MBNL1: variants seen among roughly 807,000 people sequenced by gnomAD.
MBNL1 encodes the protein muscleblind-like protein 1.
MBNL1 carries 8 observed loss-of-function variants against 42.2 expected under a neutral mutation model. The observed-to-expected ratio is 0.19, with a 90% CI of 0.11 to 0.34. MBNL1 has a LOEUF of 0.34. MBNL1 is among the 10% of genes least tolerant of loss of function. The pLI, the probability that MBNL1 is intolerant of heterozygous loss-of-function variation, is 1.00. For synonymous variants in MBNL1, 169 were observed against 173.9 expected (o/e 0.97, Z 0.22); for missense variants, 309 against 495.3 (o/e 0.62, Z 3.57).
intron 2 of MBNL1, among the ~76,000 whole-genome samples, chr3:152,361,070 A>T (rs2095896614): frequency 6.6e-6 from 1 of 152,144 alleles, no homozygotes; most frequent in Admixed American, 6.6e-5. Context: ...TCAGATGAGG[A>T]ATAAAATATT....
At chr3:152,292,087 C>T (rs1404936981) in intron 1 of MBNL1, among the ~76,000 whole-genome samples, 1 of 152,118 alleles carries the variant, frequency 6.6e-6, no homozygotes, top group South Asian at 2.1e-4. Flanking sequence ...GGATGGTGGC[C>T]TGAAAATCTT....
At chr3:152,366,217 A>G (rs1005742186) in intron 2 of MBNL1, among the ~76,000 whole-genome samples, 3 of 152,146 alleles carry the variant, frequency 2.0e-5, no homozygotes, top group Non-Finnish European at 4.4e-5. Flanking sequence ...TTGTTTGAAC[A>G]TTGAGTAACA....
intron 2 of MBNL1, among the ~76,000 whole-genome samples, chr3:152,355,360 A>C (rs575361048): frequency 2.6e-5 from 4 of 152,242 alleles, no homozygotes; most frequent in Admixed American, 2.6e-4. Flanking sequence ...TGGCTTTACA[A>C]ATTTAAACCT....
At chr3:152,365,823 T>A (rs1382931569) in intron 2 of MBNL1, among the ~76,000 whole-genome samples, 17 of 152,238 alleles carry the variant, frequency 1.1e-4, no homozygotes, top group East Asian at 3.9e-4. Context: ...AGGGACCTTT[T>A]TTCTCGTCTA....
intron 2 of MBNL1, among the ~76,000 whole-genome samples, chr3:152,306,784 ATC>A (rs1577494514): frequency 2.0e-5 from 3 of 152,134 alleles, no homozygotes; most frequent in South Asian, 4.1e-4. Context: ...AATTAAGTAA[ATC>A]TCTCTGGAAA....
intron 2 of MBNL1, among the ~76,000 whole-genome samples, chr3:152,358,481 A>G (rs2095687829): frequency 6.6e-6 from 1 of 152,198 alleles, no homozygotes; most frequent in African/African-American, 2.4e-5. Context: ...TATTTGAAAA[A>G]TATGTATTTC....
At chr3:152,342,553 A>AACACAC (rs111644138) in intron 2 of MBNL1, among the ~76,000 whole-genome samples, 14,486 of 145,948 alleles carry the variant, frequency 0.099, 710 homozygotes, top group Middle Eastern at 0.12. Flanking sequence ...AACTAAACAA[A>AACACAC]ACACACACAC....
chr3:152,443,040 G>A (rs1187284191), intron 4 of MBNL1, among the ~76,000 whole-genome samples: 1 of 151,946 alleles, frequency 6.6e-6, no homozygotes, highest in Non-Finnish European at 1.5e-5. Flanking sequence ...TTTAACCTCA[G>A]AAAAGGTTGG....
At chr3:152,401,149 A>G (rs930251138) in intron 2 of MBNL1, among the ~76,000 whole-genome samples, 3 of 152,224 alleles carry the variant, frequency 2.0e-5, no homozygotes, top group African/African-American at 7.2e-5. Flanking sequence ...GGACACCCAG[A>G]AATGCCCTTC....
At chr3:152,387,421 A>G (rs1382102410) in intron 2 of MBNL1, among the ~76,000 whole-genome samples, 1 of 152,188 alleles carries the variant, frequency 6.6e-6, no homozygotes, top group African/African-American at 2.4e-5. Flanking sequence ...AAATATTAAA[A>G]TCAAATTTGT....
intron 2 of MBNL1, among the ~76,000 whole-genome samples, chr3:152,375,994 C>T (rs186323301): frequency 1.9e-4 from 29 of 152,222 alleles, no homozygotes; most frequent in African/African-American, 6.7e-4. Flanking sequence ...TTCCCTTTAG[C>T]CTTCAGAAAA....
At chr3:152,332,368 G>C (rs1413333759) in intron 2 of MBNL1, among the ~76,000 whole-genome samples, 1 of 152,144 alleles carries the variant, frequency 6.6e-6, no homozygotes, top group Non-Finnish European at 1.5e-5. Flanking sequence ...TAAATCTGTT[G>C]TTAGCCAAAG....
intron 2 of MBNL1, among the ~76,000 whole-genome samples, chr3:152,320,505 G>A (rs1367424406): frequency 1.3e-5 from 2 of 152,104 alleles, no homozygotes; most frequent in Admixed American, 6.6e-5. Context: ...AGAGGGGAAT[G>A]ATAAATTGGC....
chr3:152,362,352 G>A (rs894409268), intron 2 of MBNL1, among the ~76,000 whole-genome samples: 9 of 152,162 alleles, frequency 5.9e-5, no homozygotes, highest in Non-Finnish European at 1.2e-4. Context: ...GGTGGTTTGC[G>A]CAGATGTCAA....
chr3:152,381,328 C>T (rs1487846476), intron 2 of MBNL1, among the ~76,000 whole-genome samples: 1 of 151,786 alleles, frequency 6.6e-6, no homozygotes, highest in South Asian at 2.1e-4. Context: ...GTAGAAAAAG[C>T]CCATGGCATA....
chr3:152,288,673 T>C (rs962836186), intron 1 of MBNL1, among the ~76,000 whole-genome samples: 3 of 152,202 alleles, frequency 2.0e-5, no homozygotes, highest in African/African-American at 7.2e-5. Context: ...CACATTTTCC[T>C]TTTGTTAATA....
chr3:152,417,877 C>T (rs936649328), intron 3 of MBNL1, among the ~76,000 whole-genome samples: 2 of 152,154 alleles, frequency 1.3e-5, no homozygotes, highest in African/African-American at 2.4e-5. Context: ...TTGATGGCTA[C>T]AAGAAATATG....
At chr3:152,275,216 G>A (rs2044253985) in intron 1 of MBNL1, among the ~76,000 whole-genome samples, 1 of 152,162 alleles carries the variant, frequency 6.6e-6, no homozygotes, top group African/African-American at 2.4e-5. Flanking sequence ...GATACAAAGA[G>A]TTGGAGGACA....
rs896892195 is a variant in MBNL1, at chr3:152,464,502, T to G, written c.*2136T>G. 1 of 152,598 alleles carries G rather than the reference T, an allele frequency of 6.6e-6. No homozygotes were observed. Among genetic ancestry groups the G allele is most frequent in the Non-Finnish European group, 1.5e-5 (1 of 68,010 alleles). 9.5% of individuals were successfully genotyped at this position (152,598 alleles called of 1,614,324 possible). A position where few individuals can be genotyped will look rare whatever the true frequency, so the allele number is the denominator to read the frequency against. On this transcript the variant is annotated 3_prime_UTR_variant, in exon 10 of 10. Coordinates refer to ENST00000324210, the MANE Select transcript of MBNL1 (RefSeq NM_021038.5). ...AATCCTGGCAGACAATTGAGTAATA[T>G]TTTGATGATTTATTTTGTTTGTAAT...
Sources: allele counts gnomAD v4.1 joint callset (sites outside exome capture counted in the v4.1 genomes callset), GRCh38; gene constraint gnomAD v4.1.1; transcripts MANE v1.5; gene names NCBI Gene and HGNC (gene_info 2026-07-23, HGNC 2026-07-21).